GAS7: variants seen among roughly 807,000 people sequenced by gnomAD.
GAS7 encodes growth arrest specific 7.
In GAS7, 28 loss-of-function variants were observed where a neutral mutation model predicts 71.1. The observed-to-expected ratio is 0.39, with a 90% CI of 0.29 to 0.54. The LOEUF (loss-of-function observed/expected upper bound fraction) is 0.54, where lower values mean the gene tolerates loss of function less well. Ranked by LOEUF, GAS7 falls within the 20% of genes least tolerant of loss-of-function variation. The pLI is 0.62. For synonymous variants in GAS7, 258 were observed against 245.8 expected (o/e 1.05, Z -0.46); for missense variants, 436 against 627.8 (o/e 0.69, Z 3.27).
chr17:10,175,500 C>T (rs1015276533), intron 1 of GAS7, among the ~76,000 whole-genome samples: 3 of 152,298 alleles, frequency 2.0e-5, no homozygotes, highest in Non-Finnish European at 2.9e-5. Flanking sequence ...TGTCTTCACA[C>T]GGTTTTCCCT....
chr17:9,961,150 T>C (rs1597554190), intron 4 of GAS7, among the ~76,000 whole-genome samples: 5 of 152,316 alleles, frequency 3.3e-5, no homozygotes, highest in Admixed American at 3.3e-4. Context: ...TACCTCTACT[T>C]ATGGCAACTC....
At chr17:10,061,879 T>C (rs981330903) in intron 1 of GAS7, among the ~76,000 whole-genome samples, 6 of 152,234 alleles carry the variant, frequency 3.9e-5, no homozygotes, top group Non-Finnish European at 5.9e-5. Context: ...CCTGTGTTTC[T>C]GAACTAGGGG....
At chr17:10,186,329 C>T (rs985796363) in intron 1 of GAS7, among the ~76,000 whole-genome samples, 2 of 151,754 alleles carry the variant, frequency 1.3e-5, no homozygotes, top group African/African-American at 2.4e-5. Flanking sequence ...AGATCTCACA[C>T]CATGTATAGT....
At chr17:9,933,048 T>C (rs2068266043) in intron 9 of GAS7, among the ~76,000 whole-genome samples, 2 of 152,068 alleles carry the variant, frequency 1.3e-5, no homozygotes, top group South Asian at 4.1e-4. Context: ...GGCAGGCGCC[T>C]GTAGTCCCAG....
chr17:10,094,394 T>C (rs1179336422), intron 1 of GAS7, among the ~76,000 whole-genome samples: 1 of 152,148 alleles, frequency 6.6e-6, no homozygotes, highest in Admixed American at 6.5e-5. Context: ...AGGCCAGAGC[T>C]CCAGGTCCCT....
At chr17:10,114,336 G>C (rs750919286) in intron 1 of GAS7, 1 of 152,162 alleles carries the variant, frequency 6.6e-6, no homozygotes, top group African/African-American at 2.4e-5. Flanking sequence ...CAGGCCCCTC[G>C]TTGTGCCCTG....
chr17:9,934,848 G>C (rs1302385417), intron 8 of GAS7, among the ~76,000 whole-genome samples: 2 of 152,194 alleles, frequency 1.3e-5, no homozygotes, highest in Non-Finnish European at 2.9e-5. Context: ...CGATTCTCCT[G>C]TCTCAGCCTC....
chr17:10,123,662 TCCAGCCA>T (rs1821789104), intron 1 of GAS7, among the ~76,000 whole-genome samples: 1 of 152,132 alleles, frequency 6.6e-6, no homozygotes, highest in African/African-American at 2.4e-5. Flanking sequence ...GCCTCCAACC[TCCAGCCA>T]CCAGCCCTCA....
In GAS7 at chr17:10,072,543, G is replaced by T. The variant is rs191966640; in HGVS notation, c.184-52646C>A. Among the ~76,000 whole-genome samples, 12 of 152,314 alleles carry T rather than the reference G, an allele frequency of 7.9e-5. No individual in the cohort carries two copies. The East Asian group carries it at 2.3e-3, about 29-fold the overall frequency. ...AGGCAGGAGTCCCATGAGCATTCAA[G>T]TTCCAGGTTCTCCTGCTGTCTAACA... On this transcript the variant is annotated intron_variant, in intron 1 of 13. Coordinates refer to ENST00000432992, the MANE Select transcript of GAS7 (RefSeq NM_201433.2).
At chr17:10,086,104 T>TG (rs1597783470) in intron 1 of GAS7, among the ~76,000 whole-genome samples, 1 of 152,186 alleles carries the variant, frequency 6.6e-6, no homozygotes, top group East Asian at 1.9e-4. Flanking sequence ...CGACCATGAA[T>TG]GGGGGCGCAG....
intron 1 of GAS7, among the ~76,000 whole-genome samples, chr17:10,035,201 G>GTC (rs2072719157): frequency 6.6e-6 from 1 of 151,860 alleles, no homozygotes; most frequent in Non-Finnish European, 1.5e-5. Context: ...CCACACACAG[G>GTC]CCTGCCAGAA....
At chr17:10,047,506 C>A (rs2072995549) in intron 1 of GAS7, among the ~76,000 whole-genome samples, 1 of 152,090 alleles carries the variant, frequency 6.6e-6, no homozygotes, top group South Asian at 2.1e-4. Flanking sequence ...CCTGCCGTGT[C>A]AAGAATGCAT....
chr17:10,054,911 G>C (rs992207926), intron 1 of GAS7, among the ~76,000 whole-genome samples: 2 of 152,186 alleles, frequency 1.3e-5, no homozygotes, highest in Non-Finnish European at 2.9e-5. Flanking sequence ...AGGCAGAAGG[G>C]ACCCTGGAAA....
chr17:10,104,530 C>A (rs2073738955), intron 1 of GAS7, among the ~76,000 whole-genome samples: 1 of 152,194 alleles, frequency 6.6e-6, no homozygotes, highest in Non-Finnish European at 1.5e-5. Flanking sequence ...TCCCAGCTCT[C>A]CAGACCCATG....
intron 1 of GAS7, among the ~76,000 whole-genome samples, chr17:10,087,220 G>A (rs1489713964): frequency 6.6e-6 from 1 of 152,196 alleles, no homozygotes; most frequent in Non-Finnish European, 1.5e-5. Flanking sequence ...AAACTCACAA[G>A]AGCACATGGG....
chr17:10,013,102 CAA>C (rs1207550210), intron 2 of GAS7, among the ~76,000 whole-genome samples: 1,325 of 96,790 alleles, frequency 0.014, 33 homozygotes, highest in East Asian at 0.14. Context: ...GACTCTGTCT[CAA>C]AAAAAAAAAA....
chr17:10,022,611 T>C (rs1597711047), intron 1 of GAS7, among the ~76,000 whole-genome samples: 1 of 151,892 alleles, frequency 6.6e-6, no homozygotes, highest in South Asian at 2.1e-4. Context: ...AAACGAAGGG[T>C]GATAATATGA....
chr17:10,064,210 G>A (rs1011634128), intron 1 of GAS7, among the ~76,000 whole-genome samples: 4 of 152,172 alleles, frequency 2.6e-5, no homozygotes, highest in East Asian at 1.9e-4. Context: ...TCCACGACAC[G>A]CAGGGACTGT....
intron 1 of GAS7, among the ~76,000 whole-genome samples, chr17:10,167,383 A>C (rs1286119519): frequency 6.6e-6 from 1 of 152,106 alleles, no homozygotes; most frequent in East Asian, 1.9e-4. Context: ...GTTTAAAGTT[A>C]TATCTGTAAA....
Sources: gnomAD v4.1 joint callset for allele counts (sites outside exome capture counted in the v4.1 genomes callset) on GRCh38, gnomAD v4.1.1 for gene constraint, MANE v1.5 for transcripts, NCBI Gene and HGNC (gene_info 2026-07-23, HGNC 2026-07-21) for gene names.